Variants in PDZRN4 observed in about 807,000 individuals in gnomAD.
PDZRN4 encodes PDZ domain containing ring finger 4.
PDZRN4 carries 70 observed loss-of-function variants against 99.0 expected under a neutral mutation model. That is an observed-to-expected ratio of 0.71 (90% CI 0.58 to 0.86). The LOEUF is 0.86. Among genes scored for constraint, PDZRN4 ranks in the 40% least tolerant of loss-of-function variants. PDZRN4 has a pLI of 0.00. For synonymous variants in PDZRN4, 551 were observed against 501.6 expected, an observed-to-expected ratio of 1.10 and a Z score of -1.32; for missense variants, 1,474 against 1,331.2, an observed-to-expected ratio of 1.11 and a Z score of -1.67.
At position 41,566,903 on chromosome 12, in the gene PDZRN4, C is replaced by A. The variant is rs540502306; in HGVS notation, c.1468-880C>A. The stretch of plus-strand genomic sequence containing the variant: ...ATTTATGTAATCCAGCTCCAAAAAT[C>A]CACTTTGAGGCAAATTATCTGTAGT... On this transcript the variant is annotated intron_variant, in intron 8 of 9. Transcript: ENST00000402685. 1.3e-3 allele frequency among the ~76,000 whole-genome samples: 194 copies of A among 152,244 alleles called. 1 individual carries two copies. Among genetic ancestry groups the A allele is most frequent in the Non-Finnish European group, 2.2e-3 (153 of 68,022 alleles).
At chr12:41,309,379 G>A (rs565093126) in intron 3 of PDZRN4, among the ~76,000 whole-genome samples, 1 of 152,078 alleles carries the variant, frequency 6.6e-6, no homozygotes, top group African/African-American at 2.4e-5. Context: ...GGACTGAGAG[G>A]GAAAGAAAAA....
At chr12:41,258,713 C>A (rs75626110) in intron 3 of PDZRN4, among the ~76,000 whole-genome samples, 2 of 152,166 alleles carry the variant, frequency 1.3e-5, no homozygotes, top group Non-Finnish European at 2.9e-5. Flanking sequence ...TAGTGATGAA[C>A]AAACACCAAA....
rs12426735 is a variant in PDZRN4 at position 41,263,087 on chromosome 12, T to G, written c.843+68899T>G. ...GTGATTCCTCGAAATTATTACTGAT[T>G]CCTTTAGTGAAGTCTCAAAGCAAAA... is the stretch of plus-strand genomic sequence containing the variant. On this transcript the variant is annotated intron_variant, in intron 3 of 9. Transcript: ENST00000402685. Among the ~76,000 whole-genome samples the G allele has an allele frequency of 8.6e-3, 1,308 of 152,234 alleles. 12 individuals carry two copies. The highest frequency in any genetic ancestry group is 0.014 in the Non-Finnish European group (951 of 68,006).
At chr12:41,331,947 G>A (rs900687071) in intron 3 of PDZRN4, among the ~76,000 whole-genome samples, 1 of 152,132 alleles carries the variant, frequency 6.6e-6, no homozygotes, top group Non-Finnish European at 1.5e-5. Flanking sequence ...CTAAGAATGA[G>A]TCAAAGAGCT....
At position 41,346,515 on chromosome 12, in the gene PDZRN4, T is replaced by C. The variant is rs542000729; in HGVS notation, c.843+152327T>C. 1.3e-3 allele frequency among the ~76,000 whole-genome samples: 195 copies of C among 152,004 alleles called. 1 individual carries two copies. The highest frequency in any genetic ancestry group is 4.5e-3 in the African/African-American group (187 of 41,540). ...TAAAAATAAATTAAATTAAAATTGA[T>C]TATGTTTTCAAATTCTATAATATTA... On this transcript the variant is annotated intron_variant, in intron 3 of 9. Coordinates refer to ENST00000402685, the MANE Select transcript of PDZRN4 (RefSeq NM_001164595.2).
chr12:41,395,157 C>T (rs558726153), intron 3 of PDZRN4, among the ~76,000 whole-genome samples: 2 of 152,136 alleles, frequency 1.3e-5, no homozygotes, highest in South Asian at 4.1e-4. Flanking sequence ...CATATCAAGT[C>T]TAGGTGTGGA....
intron 3 of PDZRN4, among the ~76,000 whole-genome samples, chr12:41,458,066 G>A (rs1172169960): frequency 3.9e-5 from 6 of 152,208 alleles, no homozygotes; most frequent in Admixed American, 3.9e-4. Flanking sequence ...CTTGACAGAT[G>A]AGGGTGTAGC....
chr12:41,498,356 G>A (rs552530969), intron 3 of PDZRN4, among the ~76,000 whole-genome samples: 3 of 152,230 alleles, frequency 2.0e-5, no homozygotes, highest in Non-Finnish European at 2.9e-5. Flanking sequence ...TGCTGTAACA[G>A]AATACCACAT....
rs565876408 is a variant in PDZRN4, at chr12:41,487,627, T to C, written c.844-18829T>C. ...GCAAAGTGTCTATTTACATGTTTGG[T>C]TATATACCAACAATATTCTTTAATT... is the stretch of plus-strand genomic sequence containing the variant. On this transcript the variant is annotated intron_variant, in intron 3 of 9. Coordinates refer to ENST00000402685, the MANE Select transcript of PDZRN4 (RefSeq NM_001164595.2). Among the ~76,000 whole-genome samples, 6 of 152,320 alleles carry C rather than the reference T, an allele frequency of 3.9e-5. No individual in the cohort carries two copies. In the South Asian group the frequency reaches 1.0e-3, roughly 26 times the overall value.
chr12:41,215,696 A>G (rs561481061), intron 3 of PDZRN4, among the ~76,000 whole-genome samples: 98 of 151,866 alleles, frequency 6.5e-4, no homozygotes, highest in African/African-American at 2.2e-3. Flanking sequence ...TAACTTGCAA[A>G]TTTTTCACCT....
chr12:41,217,252 A>G (rs1301974637), intron 3 of PDZRN4, among the ~76,000 whole-genome samples: 1 of 152,044 alleles, frequency 6.6e-6, no homozygotes, highest in Admixed American at 6.6e-5. Flanking sequence ...TTTGTTTGAA[A>G]TCTCTAAGGC....
At chr12:41,509,107 C>T (rs1938260741) in intron 4 of PDZRN4, among the ~76,000 whole-genome samples, 1 of 152,030 alleles carries the variant, frequency 6.6e-6, no homozygotes, top group South Asian at 2.1e-4. Context: ...ACATAAAAGC[C>T]ATATCCTCTC....
At chr12:41,416,705 T>C (rs976230652) in intron 3 of PDZRN4, among the ~76,000 whole-genome samples, 1 of 152,184 alleles carries the variant, frequency 6.6e-6, no homozygotes, top group Non-Finnish European at 1.5e-5. Flanking sequence ...TTTATTTTTA[T>C]ATACAGCTAG....
chr12:41,297,449 A>C (rs7958538), intron 3 of PDZRN4, among the ~76,000 whole-genome samples: 1 of 152,214 alleles, frequency 6.6e-6, no homozygotes, highest in East Asian at 1.9e-4. Context: ...ATGTGTCCAC[A>C]GGAGTGCTTT....
At chr12:41,307,200 T>G (rs1359765018) in intron 3 of PDZRN4, among the ~76,000 whole-genome samples, 1 of 152,086 alleles carries the variant, frequency 6.6e-6, no homozygotes, top group Non-Finnish European at 1.5e-5. Context: ...GCAAATACCA[T>G]AGACTAGGTA....
At chr12:41,213,659 G>T (rs1950901941) in intron 3 of PDZRN4, among the ~76,000 whole-genome samples, 1 of 151,988 alleles carries the variant, frequency 6.6e-6, no homozygotes, top group Non-Finnish European at 1.5e-5. Flanking sequence ...ACAAAATAAG[G>T]CAGATTAGAC....
intron 3 of PDZRN4, among the ~76,000 whole-genome samples, chr12:41,214,278 A>T (rs1442225856): frequency 7.0e-6 from 1 of 142,822 alleles, no homozygotes; most frequent in Non-Finnish European, 1.5e-5. Context: ...AAAAAAAAAA[A>T]GTTAACCAGG....
At chr12:41,417,132 G>A (rs189972410) in intron 3 of PDZRN4, among the ~76,000 whole-genome samples, 37 of 152,164 alleles carry the variant, frequency 2.4e-4, no homozygotes, top group Middle Eastern at 3.4e-3. Flanking sequence ...ATTCTTACTC[G>A]GAAAGGAAAT....
chr12:41,263,054 T>C (rs998287053), intron 3 of PDZRN4, among the ~76,000 whole-genome samples: 1 of 152,104 alleles, frequency 6.6e-6, no homozygotes, highest in Non-Finnish European at 1.5e-5. Context: ...ATGCTTAAGG[T>C]AACTTCAGTG....
Sources: gnomAD v4.1 joint callset for allele counts (sites outside exome capture counted in the v4.1 genomes callset) on GRCh38, gnomAD v4.1.1 for gene constraint, MANE v1.5 for transcripts, NCBI Gene and HGNC (gene_info 2026-07-23, HGNC 2026-07-21) for gene names.